Variants in ERBB4 observed in about 807,000 individuals in gnomAD.
The protein encoded by ERBB4 is receptor tyrosine-protein kinase erbB-4.
Under a neutral mutation model 158.0 loss-of-function variants are expected in ERBB4, and 42 were observed. The ratio of observed to expected loss-of-function variants is 0.27; its 90% CI spans 0.21 to 0.34. The LOEUF (loss-of-function observed/expected upper bound fraction) is 0.34, where lower values mean the gene tolerates loss of function less well. Ranked by LOEUF, ERBB4 falls within the 10% of genes least tolerant of loss-of-function variation. The pLI is 1.00. For missense variants in ERBB4, 1,333 were observed against 1,624.1 expected (o/e 0.82, Z 3.08); for synonymous variants, 583 against 558.7 (o/e 1.04, Z -0.61).
At chr2:211,470,629 G>A (rs1313624576) in intron 20 of ERBB4, among the ~76,000 whole-genome samples, 1 of 152,016 alleles carries the variant, frequency 6.6e-6, no homozygotes, top group African/African-American at 2.4e-5. Flanking sequence ...GATACTTTAA[G>A]ACAACTTTGG....
chr2:212,038,370 T>C (rs1290810795), intron 2 of ERBB4, among the ~76,000 whole-genome samples: 2 of 152,108 alleles, frequency 1.3e-5, no homozygotes, highest in East Asian at 3.9e-4. Context: ...TAGTCAAATA[T>C]GGTCCTTCCT....
chr2:211,684,036 GTTTA>G (rs1268700121), intron 12 of ERBB4, among the ~76,000 whole-genome samples: 1 of 151,696 alleles, frequency 6.6e-6, no homozygotes, highest in Non-Finnish European at 1.5e-5. Context: ...ATTAGATTTC[GTTTA>G]TTTATTTATT....
chr2:212,251,628 C>T lies in ERBB4; in HGVS notation c.83-126725G>A, dbSNP rs1389537646. On this transcript the variant is annotated intron_variant, in intron 1 of 27. Coordinates refer to ENST00000342788, the MANE Select transcript of ERBB4 (RefSeq NM_005235.3). The stretch of plus-strand genomic sequence containing the variant: ...TGCAGACATATGACAGAAAACTATA[C>T]AGGCAAAAGGAATAGCAAATGCAGA... 2.0e-5 allele frequency among the ~76,000 whole-genome samples: 3 copies of T among 151,936 alleles called. No homozygotes were observed. In the East Asian group the frequency reaches 5.8e-4, roughly 29 times the overall value.
Position 212,199,780 on chromosome 2 carries a change from A to T in ERBB4, c.83-74877T>A, listed in dbSNP as rs529544598. 5.5e-3 allele frequency among the ~76,000 whole-genome samples: 836 copies of T among 151,802 alleles called. 11 individuals are homozygous for T. The highest frequency in any genetic ancestry group is 0.043 in the South Asian group (207 of 4,812). Reference sequence around the variant, plus strand: ...ATTCACAATATCCAGCTCATATTTAAAAAAAAAATAAAAACGATTCTCTTG... The same window carrying T: ...ATTCACAATATCCAGCTCATATTTATAAAAAAAATAAAAACGATTCTCTTG... On this transcript the variant is annotated intron_variant, in intron 1 of 27. Transcript: ENST00000342788.
chr2:211,784,413 G>T (rs1169912129), intron 4 of ERBB4, among the ~76,000 whole-genome samples: 2 of 152,136 alleles, frequency 1.3e-5, no homozygotes, highest in Admixed American at 6.5e-5. Context: ...TATTCATGTT[G>T]TAGCATGTGA....
At chr2:212,228,316 C>T (rs888078610) in intron 1 of ERBB4, among the ~76,000 whole-genome samples, 5 of 152,048 alleles carry the variant, frequency 3.3e-5, no homozygotes, top group Non-Finnish European at 5.9e-5. Context: ...AACCCCAAAC[C>T]TGAACTTTAG....
intron 2 of ERBB4, among the ~76,000 whole-genome samples, chr2:212,078,409 A>T (rs1383482036): frequency 6.6e-6 from 1 of 152,048 alleles, no homozygotes; most frequent in African/African-American, 2.4e-5. Context: ...AAGTTAAATG[A>T]AACAGCGTAG....
At chr2:211,607,888 T>C (rs12468442) in intron 19 of ERBB4, among the ~76,000 whole-genome samples, 4,398 of 118,722 alleles carry the variant, frequency 0.037, 245 homozygotes, top group African/African-American at 0.11. Flanking sequence ...TTTTTTTTTT[T>C]AGACAGGGTC....
intron 1 of ERBB4, among the ~76,000 whole-genome samples, chr2:212,504,647 A>G (rs907641795): frequency 7.9e-5 from 12 of 152,148 alleles, no homozygotes; most frequent in Non-Finnish European, 1.5e-4. Flanking sequence ...TTGAAGATAC[A>G]TAGTCTGAAC....
intron 3 of ERBB4, among the ~76,000 whole-genome samples, chr2:211,887,661 C>T (rs931549310): frequency 6.6e-6 from 1 of 152,170 alleles, no homozygotes; most frequent in Admixed American, 6.5e-5. Flanking sequence ...TATTCAGGAA[C>T]CCAGTAACTT....
At chr2:211,861,667 G>C (rs771659317) in intron 3 of ERBB4, among the ~76,000 whole-genome samples, 1 of 151,894 alleles carries the variant, frequency 6.6e-6, no homozygotes, top group Non-Finnish European at 1.5e-5. Context: ...CGAAGTCTTG[G>C]GTTATCTTTA....
In ERBB4 at chr2:211,419,395, T is replaced by TA. The variant is rs1559148689; in HGVS notation, c.3135+1045dup. Among the ~76,000 whole-genome samples the TA allele has an allele frequency of 5.3e-5, 8 of 152,194 alleles. 1 individual carries two copies. The East Asian group carries it at 1.5e-3, about 29-fold the overall frequency. On this transcript the variant is annotated intron_variant, in intron 25 of 27. Coordinates refer to ENST00000342788, the MANE Select transcript of ERBB4 (RefSeq NM_005235.3). ...ATGAAATAAAGAAAATTATGTTTGTTAGATAATGAGCAGCAAGTTGAAAAT... is the reference window on the plus strand; with the variant it reads ...ATGAAATAAAGAAAATTATGTTTGTTAAGATAATGAGCAGCAAGTTGAAAAT...
At chr2:212,010,279 G>T (rs2076353836) in intron 2 of ERBB4, among the ~76,000 whole-genome samples, 1 of 152,114 alleles carries the variant, frequency 6.6e-6, no homozygotes. Context: ...AACTAGTACT[G>T]CAGCAGGACT....
intron 3 of ERBB4, among the ~76,000 whole-genome samples, chr2:211,884,373 A>G (rs1026985860): frequency 6.6e-6 from 1 of 152,090 alleles, no homozygotes; most frequent in East Asian, 1.9e-4. Flanking sequence ...TCTCCTACCA[A>G]ACTTTCCTGA....
At chr2:211,910,144 T>C (rs2079506398) in intron 3 of ERBB4, among the ~76,000 whole-genome samples, 1 of 151,428 alleles carries the variant, frequency 6.6e-6, no homozygotes, top group Non-Finnish European at 1.5e-5. Context: ...GGTCTTGAAC[T>C]GACCTCTGGT....
intron 1 of ERBB4, among the ~76,000 whole-genome samples, chr2:212,451,414 C>A (rs1311558214): frequency 1.3e-5 from 2 of 152,112 alleles, no homozygotes; most frequent in African/African-American, 2.4e-5. Context: ...ATAGAACTGA[C>A]CAAATTGATA....
At chr2:211,718,411 AT>A (rs1449560117) in intron 7 of ERBB4, among the ~76,000 whole-genome samples, 2 of 152,152 alleles carry the variant, frequency 1.3e-5, no homozygotes, top group Non-Finnish European at 2.9e-5. Context: ...AATTTTTTGG[AT>A]TTTGTAATAT....
intron 1 of ERBB4, among the ~76,000 whole-genome samples, chr2:212,367,945 T>G (rs1022789415): frequency 2.6e-5 from 4 of 152,066 alleles, no homozygotes; most frequent in Non-Finnish European, 5.9e-5. Context: ...GATGTTGGTG[T>G]GGATGCGGTG....
chr2:212,105,083 A>T (rs1188920987), intron 2 of ERBB4, among the ~76,000 whole-genome samples: 1 of 152,200 alleles, frequency 6.6e-6, no homozygotes, highest in Non-Finnish European at 1.5e-5. Flanking sequence ...TCCCTAAAAA[A>T]TCAGATGACT....
Sources: gnomAD v4.1 joint callset for allele counts (sites outside exome capture counted in the v4.1 genomes callset) on GRCh38, gnomAD v4.1.1 for gene constraint, MANE v1.5 for transcripts, NCBI Gene and HGNC (gene_info 2026-07-23, HGNC 2026-07-21) for gene names.